The following SLIT3 variants were observed in gnomAD, a reference collection of about 807,000 sequenced individuals.
SLIT3 encodes slit guidance ligand 3, also known as slit homolog 3 protein.
SLIT3 carries 68 observed loss-of-function variants against 184.0 expected under a neutral mutation model. The ratio of observed to expected loss-of-function variants is 0.37; its 90% CI spans 0.30 to 0.45. The LOEUF (loss-of-function observed/expected upper bound fraction) is 0.45. Among genes scored for constraint, SLIT3 ranks in the 20% least tolerant of loss-of-function variants. SLIT3 has a pLI of 1.00. For synonymous variants in SLIT3, 831 were observed against 828.6 expected (o/e 1.00, Z -0.05); for missense variants, 1,707 against 2,026.0 (o/e 0.84, Z 3.02).
intron 4 of SLIT3, among the ~76,000 whole-genome samples, chr5:168,961,858 ATGTGTGTGTG>A (rs35895529): frequency 1.2e-4 from 18 of 148,414 alleles, no homozygotes; most frequent in African/African-American, 3.7e-4. Context: ...GCATGCACGC[ATGTGTGTGTG>A]TGTGTGTGTG....
intron 3 of SLIT3, among the ~76,000 whole-genome samples, chr5:169,220,279 C>A (rs569827830): frequency 6.6e-6 from 1 of 151,238 alleles, no homozygotes; most frequent in East Asian, 1.9e-4. Flanking sequence ...CAAACAGGCC[C>A]TCTTCCTCAC....
intron 3 of SLIT3, among the ~76,000 whole-genome samples, chr5:169,215,963 T>C (rs1673122256): frequency 6.6e-6 from 1 of 152,240 alleles, no homozygotes; most frequent in African/African-American, 2.4e-5. Context: ...TAACCTATGA[T>C]AGTTCAAACC....
chr5:168,962,586 C>T (rs966724532), intron 4 of SLIT3, among the ~76,000 whole-genome samples: 3 of 152,046 alleles, frequency 2.0e-5, no homozygotes, highest in Non-Finnish European at 4.4e-5. Context: ...GTGAGCCCAA[C>T]CCCCATCTCC....
intron 8 of SLIT3, among the ~76,000 whole-genome samples, chr5:168,807,163 G>T (rs769713706): frequency 5.9e-5 from 9 of 152,178 alleles, no homozygotes; most frequent in Non-Finnish European, 8.8e-5. Flanking sequence ...CTGAAAAAAA[G>T]GTGAGTAAGT....
chr5:169,293,341 A>C (rs937131852), intron 1 of SLIT3, among the ~76,000 whole-genome samples: 1 of 152,098 alleles, frequency 6.6e-6, no homozygotes, highest in Non-Finnish European at 1.5e-5. Context: ...GATATCATCA[A>C]GCAAAGGAGG....
chr5:168,729,936 G>T (rs993721993), intron 20 of SLIT3, among the ~76,000 whole-genome samples: 1 of 151,970 alleles, frequency 6.6e-6, no homozygotes, highest in African/African-American at 2.4e-5. Context: ...TGTCAGAATG[G>T]ATAAAGAAAC....
intron 3 of SLIT3, among the ~76,000 whole-genome samples, chr5:169,207,726 C>T (rs879360420): frequency 1.3e-5 from 2 of 152,200 alleles, no homozygotes; most frequent in Non-Finnish European, 2.9e-5. Context: ...CCTTCCCCCA[C>T]TAAAATTCAC....
chr5:168,922,415 C>A (rs1761665980), intron 4 of SLIT3, among the ~76,000 whole-genome samples: 1 of 144,418 alleles, frequency 6.9e-6, no homozygotes, highest in East Asian at 2.0e-4. Flanking sequence ...CGAGATTGTG[C>A]CACTGCACTC....
intron 18 of SLIT3, among the ~76,000 whole-genome samples, chr5:168,750,974 A>G (rs1225149737): frequency 6.7e-6 from 1 of 148,418 alleles, no homozygotes; most frequent in Non-Finnish European, 1.5e-5. Flanking sequence ...GGCTAGAGGG[A>G]TTGGGGCTAT....
At chr5:169,249,670 T>C in intron 2 of SLIT3, among the ~76,000 whole-genome samples, 1 of 151,986 alleles carries the variant, frequency 6.6e-6, no homozygotes, top group East Asian at 1.9e-4. Context: ...GAATCAAGAG[T>C]TGCTACCTAT....
chr5:169,009,273 G>A (rs997812359), intron 4 of SLIT3, among the ~76,000 whole-genome samples: 2 of 152,124 alleles, frequency 1.3e-5, no homozygotes, highest in Admixed American at 6.5e-5. Context: ...CTGCTAATTC[G>A]CTTCTCAGAT....
In SLIT3 at chr5:168,696,319, C is replaced by G; in HGVS notation, c.3055G>C (p.Val1019Leu). Residue 1019 changes from valine to leucine, a missense_variant, in exon 28 of 36, where the codon GTG becomes CTG. Physicochemically the swap from Val to Leu is conservative, Grantham distance 32. Transcript: ENST00000519560. ...ATCVDGINNYVCICPPNYTGE... is the reference protein window; with the variant it reads ...ATCVDGINNYLCICPPNYTGE... Reference sequence around the variant, plus strand: ...GTGTAGTTAGGCGGACAGATACACACGTAGTTGTTGATCCCGTCCACGCAG... The same window carrying G: ...GTGTAGTTAGGCGGACAGATACACAGGTAGTTGTTGATCCCGTCCACGCAG... The G allele has an allele frequency of 6.2e-7, 1 of 1,614,156 alleles. No homozygotes were observed. The highest frequency in any genetic ancestry group is 8.5e-7 in the Non-Finnish European group (1 of 1,180,018).
chr5:169,207,150 C>A (rs1764098520), intron 3 of SLIT3, among the ~76,000 whole-genome samples: 1 of 151,896 alleles, frequency 6.6e-6, no homozygotes, highest in Admixed American at 6.6e-5. Flanking sequence ...CCCCCGCTCA[C>A]CTCGCTCACT....
intron 1 of SLIT3, among the ~76,000 whole-genome samples, chr5:169,260,517 A>G (rs951020327): frequency 6.6e-6 from 1 of 152,170 alleles, no homozygotes; most frequent in African/African-American, 2.4e-5. Context: ...CGTCTTTATG[A>G]CTGTCCATTT....
chr5:168,980,276 G>A (rs527927294), intron 4 of SLIT3, among the ~76,000 whole-genome samples: 45 of 152,200 alleles, frequency 3.0e-4, no homozygotes, highest in African/African-American at 8.2e-4. Flanking sequence ...TCTGAGATGC[G>A]TGTAAAAGTT....
chr5:168,878,062 G>A (rs755949795), intron 5 of SLIT3, among the ~76,000 whole-genome samples: 30 of 152,114 alleles, frequency 2.0e-4, no homozygotes, highest in Non-Finnish European at 3.7e-4. Flanking sequence ...GCATACAGTA[G>A]GCATTTCATA....
At chr5:169,276,051 C>G (rs1421637898) in intron 1 of SLIT3, among the ~76,000 whole-genome samples, 1 of 152,080 alleles carries the variant, frequency 6.6e-6, no homozygotes, top group Non-Finnish European at 1.5e-5. Context: ...GACGCGAAGT[C>G]TTGCCTCCTC....
rs1286208877 is a variant in SLIT3, at chr5:168,722,175, G to C, written c.2483+81C>G. 2.0e-5 allele frequency: 26 copies of C among 1,270,746 alleles called. No homozygotes were observed. In the Admixed American group the frequency reaches 4.1e-4, roughly 20 times the overall value. 78.7% of individuals were successfully genotyped at this position (1,270,746 alleles called of 1,614,324 possible). ...GGGTGGAGTGGGCTTTGGGCAGAGA[G>C]TGGGGAAGGGGAGTGCTTAGTCTGC... is the stretch of plus-strand genomic sequence containing the variant. On this transcript the variant is annotated intron_variant, in intron 23 of 35. Coordinates refer to ENST00000519560, the MANE Select transcript of SLIT3 (RefSeq NM_003062.4).
intron 23 of SLIT3, among the ~76,000 whole-genome samples, chr5:168,715,818 G>A (rs1762707246): frequency 6.6e-6 from 1 of 151,846 alleles, no homozygotes; most frequent in Admixed American, 6.6e-5. Flanking sequence ...GATTACAGAT[G>A]TGCACCACCA....
Sources: allele counts gnomAD v4.1 joint callset (sites outside exome capture counted in the v4.1 genomes callset), GRCh38; gene constraint gnomAD v4.1.1; transcripts MANE v1.5; gene names NCBI Gene and HGNC (gene_info 2026-07-23, HGNC 2026-07-21).